Variants in CSMD1 observed in about 807,000 individuals in gnomAD.
CSMD1 encodes CUB and Sushi multiple domains 1, also known as CUB and sushi domain-containing protein 1.
A neutral mutation model predicts 417.5 loss-of-function variants in CSMD1; 213 were observed. The ratio of observed to expected loss-of-function variants is 0.51; its 90% CI spans 0.46 to 0.57. CSMD1 has a LOEUF of 0.57. CSMD1 is among the 20% of genes least tolerant of loss of function. The pLI, the probability that CSMD1 is intolerant of heterozygous loss-of-function variation, is 0.00. For synonymous variants in CSMD1, 2,862 were observed against 1,736.8 expected (o/e 1.65, Z -16.11); for missense variants, 6,923 against 4,529.7 (o/e 1.53, Z -15.17).
intron 5 of CSMD1, among the ~76,000 whole-genome samples, chr8:3,792,423 T>C (rs368495273): frequency 1.3e-5 from 2 of 152,204 alleles, no homozygotes; most frequent in African/African-American, 4.8e-5. Context: ...TATTTGGTTA[T>C]AAAAACAAAG....
intron 3 of CSMD1, among the ~76,000 whole-genome samples, chr8:4,080,481 T>C (rs571299235): frequency 6.6e-6 from 1 of 152,238 alleles, no homozygotes; most frequent in Non-Finnish European, 1.5e-5. Flanking sequence ...TTAAGCTCTC[T>C]GGGTTCCAAA....
chr8:4,161,824 TATG>T (rs1370533269), intron 3 of CSMD1, among the ~76,000 whole-genome samples: 2 of 152,234 alleles, frequency 1.3e-5, no homozygotes, highest in Non-Finnish European at 2.9e-5. Context: ...TAATCTGCTA[TATG>T]ATATGTCACT....
chr8:4,033,010 G>C (rs375942448), intron 3 of CSMD1, among the ~76,000 whole-genome samples: 1 of 151,460 alleles, frequency 6.6e-6, no homozygotes, highest in Non-Finnish European at 1.5e-5. Flanking sequence ...CTACCTGGAG[G>C]CTTTGTATGC....
intron 2 of CSMD1, among the ~76,000 whole-genome samples, chr8:4,485,144 G>A (rs994524414): frequency 1.1e-4 from 16 of 152,036 alleles, no homozygotes; most frequent in African/African-American, 3.6e-4. Context: ...GGCATAGGCT[G>A]TATGCATTTC....
chr8:3,703,676 G>C (rs929193206), intron 7 of CSMD1, among the ~76,000 whole-genome samples: 8 of 152,174 alleles, frequency 5.3e-5, no homozygotes, highest in Admixed American at 1.3e-4. Flanking sequence ...AGATGAGCCT[G>C]CAGGATGTGC....
chr8:3,046,036 T>C (rs1167625887), intron 50 of CSMD1, among the ~76,000 whole-genome samples: 2 of 152,176 alleles, frequency 1.3e-5, no homozygotes, highest in African/African-American at 2.4e-5. Context: ...GGCCTCTTTA[T>C]CATACCTGAC....
chr8:4,725,507 T>A (rs1342540679), intron 1 of CSMD1, among the ~76,000 whole-genome samples: 1 of 152,196 alleles, frequency 6.6e-6, no homozygotes, highest in Non-Finnish European at 1.5e-5. Context: ...CAAGGGCATA[T>A]CGCACAGAGA....
chr8:3,985,420 T>C lies in CSMD1; in HGVS notation c.818+12483A>G, dbSNP rs144542862. Among the ~76,000 whole-genome samples the C allele has an allele frequency of 9.9e-4, 151 of 152,290 alleles. 1 individual carries two copies. Among genetic ancestry groups the C allele is most frequent in the Middle Eastern group, 3.4e-3 (1 of 294 alleles). ...ACATCTACCCTCTTGTCTAGTCTTA[T>C]GTGCACACACACACAAACACACCTG... On this transcript the variant is annotated intron_variant, in intron 5 of 69. Transcript: ENST00000635120.
At chr8:4,110,923 T>C (rs1801818945) in intron 3 of CSMD1, among the ~76,000 whole-genome samples, 1 of 152,186 alleles carries the variant, frequency 6.6e-6, no homozygotes, top group African/African-American at 2.4e-5. Context: ...AATGACATTC[T>C]AGAAGTACTC....
intron 12 of CSMD1, among the ~76,000 whole-genome samples, chr8:3,416,916 C>G (rs1813191409): frequency 6.6e-6 from 1 of 152,224 alleles, no homozygotes; most frequent in Non-Finnish European, 1.5e-5. Flanking sequence ...ATGAATAAAA[C>G]TAAATTCTAA....
At chr8:4,726,540 T>C (rs1189883970) in intron 1 of CSMD1, among the ~76,000 whole-genome samples, 2 of 152,168 alleles carry the variant, frequency 1.3e-5, no homozygotes, top group African/African-American at 2.4e-5. Context: ...CAAGCAGTGC[T>C]AACCAGAGGG....
intron 2 of CSMD1, among the ~76,000 whole-genome samples, chr8:4,563,361 G>C (rs900759920): frequency 6.6e-6 from 1 of 152,032 alleles, no homozygotes; most frequent in African/African-American, 2.4e-5. Flanking sequence ...AGATCGTGCC[G>C]CTGCACTCCA....
Position 3,865,556 on chromosome 8 carries a change from G to T in CSMD1, c.819-111514C>A, listed in dbSNP as rs548405812. Among the ~76,000 whole-genome samples the T allele has an allele frequency of 2.0e-5, 3 of 152,066 alleles. No individual in the cohort carries two copies. In the East Asian group the frequency reaches 5.8e-4, roughly 29 times the overall value. Reference sequence around the variant, plus strand: ...AGGCAATGAGGGACCAAGCAGGCACGTACAGTGGGAAGCCGCAGGAGAATT... The same window carrying T: ...AGGCAATGAGGGACCAAGCAGGCACTTACAGTGGGAAGCCGCAGGAGAATT... On this transcript the variant is annotated intron_variant, in intron 5 of 69. Coordinates refer to ENST00000635120, the MANE Select transcript of CSMD1 (RefSeq NM_033225.6).
chr8:4,323,885 A>G (rs368435475), intron 3 of CSMD1, among the ~76,000 whole-genome samples: 1 of 152,126 alleles, frequency 6.6e-6, no homozygotes, highest in African/African-American at 2.4e-5. Flanking sequence ...AAGAAACTCC[A>G]CATTTTGAGT....
Position 3,408,007 on chromosome 8 carries a change from A to G in CSMD1, c.1963T>C (p.Ser655Pro), listed in dbSNP as rs769490516. The change falls in exon 14 of 70, where the codon TCT becomes CCT. Residue 655 changes from serine to proline, a missense_variant. Coordinates refer to ENST00000635120, the MANE Select transcript of CSMD1 (RefSeq NM_033225.6). ...ISDITVLGTFSGNEVPSQLAS... is the reference protein window; with the variant it reads ...ISDITVLGTFPGNEVPSQLAS... Reference sequence around the variant, plus strand: ...AGCTGGGAAGGCACTTCATTGCCAGAAAAAGTACCCAGGACAGTTATGTCA... The same window carrying G: ...AGCTGGGAAGGCACTTCATTGCCAGGAAAAGTACCCAGGACAGTTATGTCA... The G allele has an allele frequency of 1.2e-6, 2 of 1,613,956 alleles. No homozygotes were observed. The highest frequency in any genetic ancestry group is 1.7e-6 in the Non-Finnish European group (2 of 1,179,872).
chr8:3,714,566 A>C (rs1170292747), intron 6 of CSMD1, among the ~76,000 whole-genome samples: 2 of 144,700 alleles, frequency 1.4e-5, no homozygotes, highest in African/African-American at 5.1e-5. Flanking sequence ...TATCCCAAAA[A>C]AAAAAAAAAA....
At chr8:3,973,553 C>A (rs1404967191) in intron 5 of CSMD1, among the ~76,000 whole-genome samples, 4 of 152,196 alleles carry the variant, frequency 2.6e-5, no homozygotes, top group East Asian at 1.9e-4. Flanking sequence ...CAACAAAATT[C>A]TTTCTTGTCA....
At chr8:4,895,159 A>G (rs1804393128) in intron 1 of CSMD1, among the ~76,000 whole-genome samples, 1 of 152,208 alleles carries the variant, frequency 6.6e-6, no homozygotes, top group Admixed American at 6.5e-5. Flanking sequence ...TTCTGTACAA[A>G]AAATAATAAC....
chr8:4,704,295 A>G (rs1584969430), intron 1 of CSMD1, among the ~76,000 whole-genome samples: 1 of 152,286 alleles, frequency 6.6e-6, no homozygotes, highest in East Asian at 1.9e-4. Flanking sequence ...TACTTATTTT[A>G]TATTTTATTC....
Sources: gnomAD v4.1 joint callset for allele counts (sites outside exome capture counted in the v4.1 genomes callset) on GRCh38, gnomAD v4.1.1 for gene constraint, MANE v1.5 for transcripts, NCBI Gene and HGNC (gene_info 2026-07-23, HGNC 2026-07-21) for gene names.